AGK: variants seen among roughly 807,000 people sequenced by gnomAD.
AGK encodes acylglycerol kinase, also known as acylglycerol kinase, mitochondrial.
In AGK, 52 loss-of-function variants were observed where a neutral mutation model predicts 66.4. The observed-to-expected ratio is 0.78, with a 90% CI of 0.63 to 0.99. AGK has a LOEUF of 0.99. Among genes scored for constraint, AGK ranks in the 50% least tolerant of loss-of-function variants. The probability of loss-of-function intolerance (pLI) is 0.00; values close to 1 mark genes in which losing one functional copy is unlikely to be tolerated. For missense variants in AGK, 451 were observed against 506.6 expected (o/e 0.89, Z 1.05); for synonymous variants, 182 against 181.1 (o/e 1.00, Z -0.04).
At chr7:141,596,690 A>G (rs750752180) in intron 4 of AGK, 49 bp downstream of exon 4, 2 of 1,504,456 alleles carry the variant, frequency 1.3e-6, no homozygotes, top group Non-Finnish European at 9.3e-7. Context: ...TAAGGGGGAA[A>G]GAAATCACAG....
chr7:141,633,853 C>G, intron 9 of AGK, 48 bp from the exon 10 acceptor site: 1 of 1,514,412 alleles, frequency 6.6e-7, no homozygotes, highest in Non-Finnish European at 9.2e-7. Context: ...GTAAAGAGTT[C>G]TGAGTGATTA....
At chr7:141,620,937 C>T (rs190706924) in intron 8 of AGK, among the ~76,000 whole-genome samples, 234 of 152,318 alleles carry the variant, frequency 1.5e-3, no homozygotes, top group African/African-American at 5.4e-3. Context: ...ATACTTAATT[C>T]TAGTCAGCTC....
intron 2 of AGK, among the ~76,000 whole-genome samples, chr7:141,589,647 G>A (rs1213967504): frequency 2.6e-5 from 4 of 151,352 alleles, no homozygotes; most frequent in African/African-American, 7.3e-5. Flanking sequence ...TGCAACCTCC[G>A]CCTCCTGGCT....
intron 9 of AGK, among the ~76,000 whole-genome samples, chr7:141,633,186 G>C (rs947965587): frequency 6.6e-6 from 1 of 152,086 alleles, no homozygotes; most frequent in Admixed American, 6.5e-5. Flanking sequence ...TCAGCTCTTA[G>C]ACTTTAGATG....
Position 141,555,600 on chromosome 7 carries a change from A to T in AGK, c.101+33A>T. On this transcript the variant is annotated intron_variant, in intron 2 of 15. Coordinates refer to ENST00000649286, the MANE Select transcript of AGK (RefSeq NM_018238.4). This position sits in a 1 kb window ranked among gnomAD's most constrained non-coding sequence, Gnocchi z 4.2. ...TCTGACAGCCCCATCCCACCTTTGC[A>T]TCTGCAGCAAAACAGCCCCAAAGGG... The T allele has an allele frequency of 1.3e-6, 2 of 1,538,126 alleles. No individual in the cohort carries two copies. The highest frequency in any genetic ancestry group is 1.8e-6 in the Non-Finnish European group (2 of 1,115,968).
Position 141,584,587 on chromosome 7 carries a change from A to C in AGK, c.102-8559A>C, listed in dbSNP as rs551137826. Among the ~76,000 whole-genome samples, 9 of 152,352 alleles carry C rather than the reference A, an allele frequency of 5.9e-5. No individual in the cohort carries two copies. In the South Asian group the frequency reaches 1.7e-3, roughly 28 times the overall value. On this transcript the variant is annotated intron_variant, in intron 2 of 15. Transcript: ENST00000649286. ...TGGCTGTGTCCTTAACCTTGGCAAAATAAACTTTCTACATTGAATGAGACC... is the reference window on the plus strand; with the variant it reads ...TGGCTGTGTCCTTAACCTTGGCAAACTAAACTTTCTACATTGAATGAGACC...
chr7:141,589,124 G>T (rs935279968), intron 2 of AGK, among the ~76,000 whole-genome samples: 1 of 152,092 alleles, frequency 6.6e-6, no homozygotes, highest in African/African-American at 2.4e-5. Context: ...ACTCAAGATG[G>T]AGTCACTCTG....
intron 2 of AGK, among the ~76,000 whole-genome samples, chr7:141,562,743 C>T (rs1402517285): frequency 2.0e-5 from 3 of 152,192 alleles, no homozygotes; most frequent in Non-Finnish European, 2.9e-5. Context: ...GCAGCCTGTG[C>T]GCAGAACTCA....
intron 5 of AGK, among the ~76,000 whole-genome samples, chr7:141,603,014 G>C (rs1406923724): frequency 6.6e-6 from 1 of 152,002 alleles, no homozygotes; most frequent in Non-Finnish European, 1.5e-5. Flanking sequence ...TAAAATTCTA[G>C]TATTTTAAAG....
At chr7:141,604,401 T>TAC (rs1554400843) in intron 5 of AGK, among the ~76,000 whole-genome samples, 29 of 143,464 alleles carry the variant, frequency 2.0e-4, no homozygotes, top group African/African-American at 7.2e-4. Flanking sequence ...TATATATATA[T>TAC]ATACACATAC....
intron 7 of AGK, 90 bp from the exon 8 acceptor site, chr7:141,615,381 T>G: frequency 5.1e-6 from 5 of 989,058 alleles, no homozygotes; most frequent in Middle Eastern, 2.3e-4. Context: ...CAGGGTCAGT[T>G]ATTTGTCATA....
At chr7:141,575,025 G>A (rs1333385828) in intron 2 of AGK, among the ~76,000 whole-genome samples, 1 of 152,222 alleles carries the variant, frequency 6.6e-6, no homozygotes, top group Non-Finnish European at 1.5e-5. Context: ...GAATTCAAGT[G>A]GGGTTAGGTT....
intron 15 of AGK, 22 bp from the exon 16 acceptor site, chr7:141,652,765 C>T (rs1797593555): frequency 1.2e-6 from 2 of 1,611,880 alleles, no homozygotes; most frequent in Non-Finnish European, 1.7e-6. Flanking sequence ...TTGAGCTGTT[C>T]TGAATATTCT....
chr7:141,564,817 C>T (rs1225162866), intron 2 of AGK, among the ~76,000 whole-genome samples: 1 of 152,062 alleles, frequency 6.6e-6, no homozygotes, highest in Non-Finnish European at 1.5e-5. Context: ...ACAACCTCTG[C>T]CTTCTGGGTT....
At chr7:141,566,322 G>A (rs1033646652) in intron 2 of AGK, among the ~76,000 whole-genome samples, 2 of 152,146 alleles carry the variant, frequency 1.3e-5, no homozygotes, top group African/African-American at 4.8e-5. Flanking sequence ...ACAGGCAGGG[G>A]TGCTGTTTGT....
At position 141,555,590 on chromosome 7, in the gene AGK, C is replaced by T. The variant is rs1795191965; in HGVS notation, c.101+23C>T. 6.3e-7 allele frequency: 1 copy of T among 1,576,570 alleles called. No homozygotes were observed. The highest frequency in any genetic ancestry group is 8.7e-7 in the Non-Finnish European group (1 of 1,149,380). On this transcript the variant is annotated intron_variant, in intron 2 of 15. Coordinates refer to ENST00000649286, the MANE Select transcript of AGK (RefSeq NM_018238.4). This position sits in a 1 kb window ranked among gnomAD's most constrained non-coding sequence, Gnocchi z 4.2. ...CTGGTAACTATCTGACAGCCCCATCCCACCTTTGCATCTGCAGCAAAACAG... is the reference window on the plus strand; with the variant it reads ...CTGGTAACTATCTGACAGCCCCATCTCACCTTTGCATCTGCAGCAAAACAG...
chr7:141,559,263 T>C (rs1034993816), intron 2 of AGK, among the ~76,000 whole-genome samples: 2 of 152,200 alleles, frequency 1.3e-5, no homozygotes, highest in Admixed American at 1.3e-4. Flanking sequence ...CATTTAGGTC[T>C]TTAACAGATT....
chr7:141,635,652 A>G (rs1285613000), intron 10 of AGK, among the ~76,000 whole-genome samples: 3 of 152,134 alleles, frequency 2.0e-5, no homozygotes, highest in Non-Finnish European at 4.4e-5. Flanking sequence ...CTTTACTTCT[A>G]AGCTTTTCTC....
chr7:141,640,561 G>C (rs1346483110), intron 11 of AGK, among the ~76,000 whole-genome samples: 1 of 152,166 alleles, frequency 6.6e-6, no homozygotes, highest in Admixed American at 6.5e-5. Flanking sequence ...AGGATCTCAG[G>C]GTTTTAGATT....
Sources: allele counts gnomAD v4.1 joint callset (sites outside exome capture counted in the v4.1 genomes callset), GRCh38; gene constraint gnomAD v4.1.1; non-coding constraint Gnocchi (gnomAD v3.1); transcripts MANE v1.5; gene names NCBI Gene and HGNC (gene_info 2026-07-23, HGNC 2026-07-21).